Variants in RORB observed in about 807,000 individuals in gnomAD.
RORB encodes the protein nuclear receptor ROR-beta.
Under a neutral mutation model 59.1 loss-of-function variants are expected in RORB, and 6 were observed. The observed-to-expected ratio is 0.10, with a 90% CI of 0.06 to 0.20. The LOEUF is 0.20. Among genes scored for constraint, RORB ranks in the 10% least tolerant of loss-of-function variants. The pLI is 1.00. For missense variants in RORB, 320 were observed against 560.5 expected (o/e 0.57, Z 4.33); for synonymous variants, 215 against 204.5 (o/e 1.05, Z -0.44).
intron 1 of RORB, among the ~76,000 whole-genome samples, chr9:74,570,730 C>T (rs202038662): frequency 2.6e-5 from 4 of 151,514 alleles, no homozygotes; most frequent in South Asian, 2.1e-4. Context: ...TGTGCACACA[C>T]GTGTGTGTGT....
intron 1 of RORB, among the ~76,000 whole-genome samples, chr9:74,500,669 C>G (rs1173108359): frequency 4.6e-5 from 7 of 152,126 alleles, no homozygotes; most frequent in Admixed American, 4.6e-4. Flanking sequence ...ATTCAGTGGT[C>G]TCCCTCGGGG....
intron 1 of RORB, among the ~76,000 whole-genome samples, chr9:74,587,884 C>A (rs1335329256): frequency 6.6e-6 from 1 of 152,096 alleles, no homozygotes; most frequent in African/African-American, 2.4e-5. Flanking sequence ...AAAGTGTGGA[C>A]ACAGAGAAAT....
At chr9:74,592,507 A>C (rs1270837420) in intron 1 of RORB, among the ~76,000 whole-genome samples, 2 of 152,152 alleles carry the variant, frequency 1.3e-5, no homozygotes, top group African/African-American at 4.8e-5. Flanking sequence ...GAAATAGTTG[A>C]CTTACATGCT....
Position 74,586,246 on chromosome 9 carries a change from C to T in RORB, c.8-44036C>T, listed in dbSNP as rs185465138. 3.4e-4 allele frequency among the ~76,000 whole-genome samples: 51 copies of T among 152,152 alleles called. 1 individual carries two copies. Among genetic ancestry groups the T allele is most frequent in the African/African-American group, 1.1e-3 (47 of 41,514 alleles). Reference sequence around the variant, plus strand: ...GGTGCAGTCGCTCATGCCTGTAAACCCAGCACTTTGGGAGGCCAAAGCAGG... The same window carrying T: ...GGTGCAGTCGCTCATGCCTGTAAACTCAGCACTTTGGGAGGCCAAAGCAGG... On this transcript the variant is annotated intron_variant, in intron 1 of 9. Transcript: ENST00000376896.
At chr9:74,643,691 C>G (rs975685319) in intron 4 of RORB, among the ~76,000 whole-genome samples, 1 of 152,176 alleles carries the variant, frequency 6.6e-6, no homozygotes, top group Non-Finnish European at 1.5e-5. Flanking sequence ...CAAACAGTGG[C>G]GATGTGATCC....
intron 4 of RORB, among the ~76,000 whole-genome samples, chr9:74,644,517 G>A (rs1194010840): frequency 6.6e-6 from 1 of 152,022 alleles, no homozygotes; most frequent in Non-Finnish European, 1.5e-5. Flanking sequence ...ACAGAGCCAG[G>A]GTTCACCTCA....
rs374221610 is a variant in RORB at position 74,642,405 on chromosome 9, C to G, written c.236-9C>G. On this transcript the variant is annotated splice_polypyrimidine_tract_variant and intron_variant, in intron 3 of 9. Transcript: ENST00000376896. ...CAAGTGCTGTTTTCTGCTTTTCTCT[C>G]CAACCCAGCTGTGAAGTTTGGGAGG... 3.8e-6 allele frequency: 6 copies of G among 1,598,284 alleles called. No individual in the cohort carries two copies. The highest frequency in any genetic ancestry group is 5.1e-6 in the Non-Finnish European group (6 of 1,171,532).
intron 1 of RORB, among the ~76,000 whole-genome samples, chr9:74,515,539 A>G (rs1269512319): frequency 6.6e-6 from 1 of 152,010 alleles, no homozygotes. Context: ...TTATTTTCTC[A>G]AACTTTACAC....
intron 2 of RORB, among the ~76,000 whole-genome samples, chr9:74,632,944 G>A (rs1040527506): frequency 6.6e-6 from 1 of 152,094 alleles, no homozygotes; most frequent in South Asian, 2.1e-4. Flanking sequence ...GCAATCACTG[G>A]TTTATTAAAT....
At chr9:74,570,968 ATAAT>A in intron 1 of RORB, among the ~76,000 whole-genome samples, 1 of 151,268 alleles carries the variant, frequency 6.6e-6, no homozygotes, top group East Asian at 1.9e-4. Context: ...TTAATAATAA[ATAAT>A]ATAATTAATT....
chr9:74,684,748 CTA>C (rs1824609828), intron 9 of RORB, among the ~76,000 whole-genome samples: 1 of 152,154 alleles, frequency 6.6e-6, no homozygotes, highest in Non-Finnish European at 1.5e-5. Flanking sequence ...CCCAAATTCT[CTA>C]TGTGTTTCAT....
intron 1 of RORB, among the ~76,000 whole-genome samples, chr9:74,558,656 ATG>A (rs1822346553): frequency 6.6e-6 from 1 of 151,194 alleles, no homozygotes; most frequent in South Asian, 2.1e-4. Flanking sequence ...CAGCAATGCA[ATG>A]TAAGAAGAAT....
intron 9 of RORB, among the ~76,000 whole-genome samples, chr9:74,676,763 G>T (rs1824450152): frequency 6.6e-6 from 1 of 152,178 alleles, no homozygotes; most frequent in Non-Finnish European, 1.5e-5. Flanking sequence ...TCCCCCGCGG[G>T]GCTCTCTCTT....
intron 5 of RORB, 75 bp downstream of exon 5, chr9:74,660,813 C>A: frequency 6.9e-7 from 1 of 1,452,866 alleles, no homozygotes; most frequent in Non-Finnish European, 9.3e-7. Context: ...GCACTATTGG[C>A]ATGTTGCACT....
At chr9:74,505,862 C>T (rs542795090) in intron 1 of RORB, among the ~76,000 whole-genome samples, 18 of 151,630 alleles carry the variant, frequency 1.2e-4, no homozygotes, top group African/African-American at 4.1e-4. Flanking sequence ...TAAAATTGTT[C>T]TCAAGTGACA....
intron 1 of RORB, among the ~76,000 whole-genome samples, chr9:74,520,393 C>G (rs868177153): frequency 4.6e-5 from 7 of 151,904 alleles, no homozygotes; most frequent in Middle Eastern, 6.3e-3. Flanking sequence ...ACCTTGAATT[C>G]TGAAAATAAG....
At chr9:74,500,242 T>C (rs1461072738) in intron 1 of RORB, among the ~76,000 whole-genome samples, 2 of 152,188 alleles carry the variant, frequency 1.3e-5, no homozygotes, top group Admixed American at 1.3e-4. Flanking sequence ...CAGGTCACTC[T>C]ATCGCCATTC....
In RORB at chr9:74,549,629, AAAG is replaced by A. The variant is rs1563934666; in HGVS notation, c.7+51647_7+51649del. 1.0e-3 allele frequency among the ~76,000 whole-genome samples: 102 copies of A among 98,804 alleles called. 1 individual carries two copies. The highest frequency in any genetic ancestry group is 3.8e-3 in the African/African-American group (99 of 26,194). The allele number at this position is 98,804 out of a possible 152,430, so 64.8% of individuals were successfully genotyped here. A position where few individuals can be genotyped will look rare whatever the true frequency, so the allele number is the denominator to read the frequency against. On this transcript the variant is annotated intron_variant, in intron 1 of 9. Transcript: ENST00000376896. ...GGAAGAAAGGAAGGAAGGAAGGAAG[AAAG>A]GAAAGAAAGAAAGAAAGAGAGAAGA...
At chr9:74,561,980 T>C (rs1483232570) in intron 1 of RORB, among the ~76,000 whole-genome samples, 1 of 152,194 alleles carries the variant, frequency 6.6e-6, no homozygotes, top group Non-Finnish European at 1.5e-5. Flanking sequence ...TCTTCATGAG[T>C]AGATTGTTTA....
Sources: gnomAD v4.1 joint callset for allele counts (sites outside exome capture counted in the v4.1 genomes callset) on GRCh38, gnomAD v4.1.1 for gene constraint, MANE v1.5 for transcripts, NCBI Gene and HGNC (gene_info 2026-07-23, HGNC 2026-07-21) for gene names.